Variants in IGSF11 observed in about 807,000 individuals in gnomAD.
The protein encoded by IGSF11 is CXADR like 1.
A neutral mutation model predicts 41.0 loss-of-function variants in IGSF11; 22 were observed. That is an observed-to-expected ratio of 0.54 (90% confidence interval 0.38 to 0.77). The LOEUF (loss-of-function observed/expected upper bound fraction) is 0.77. IGSF11 is among the 30% of genes least tolerant of loss of function. The probability of loss-of-function intolerance (pLI) is 0.00; values close to 1 mark genes in which losing one functional copy is unlikely to be tolerated. For synonymous variants in IGSF11, 219 were observed against 201.3 expected, an observed-to-expected ratio of 1.09 and a Z score of -0.74; for missense variants, 444 against 530.8, an observed-to-expected ratio of 0.84 and a Z score of 1.61.
At chr3:119,093,528 C>T (rs533220799) in intron 1 of IGSF11, among the ~76,000 whole-genome samples, 14 of 152,228 alleles carry the variant, frequency 9.2e-5, no homozygotes, top group Admixed American at 5.2e-4. Flanking sequence ...TTAATAACCA[C>T]GAGGTATCTT....
intron 1 of IGSF11, among the ~76,000 whole-genome samples, chr3:118,997,883 C>A (rs1424543743): frequency 6.6e-6 from 1 of 152,092 alleles, no homozygotes; most frequent in East Asian, 1.9e-4. Context: ...CTGTTCATGG[C>A]AAATGCTAAG....
At position 118,938,986 on chromosome 3, in the gene IGSF11, T is replaced by C. The variant is rs948320062; in HGVS notation, c.53-8711A>G. ...AGAAAAAGTGAAAAACCTGCAATTATGGTTGGTGACTGCAACACGTCTCAA... is the reference window on the plus strand; with the variant it reads ...AGAAAAAGTGAAAAACCTGCAATTACGGTTGGTGACTGCAACACGTCTCAA... On this transcript the variant is annotated intron_variant, in intron 1 of 6. Coordinates refer to ENST00000393775, the MANE Select transcript of IGSF11 (RefSeq NM_001015887.3). Among the ~76,000 whole-genome samples, 5 of 152,342 alleles carry C rather than the reference T, an allele frequency of 3.3e-5. 1 individual carries two copies. Among genetic ancestry groups the C allele is most frequent in the East Asian group, 1.9e-4 (1 of 5,194 alleles).
At chr3:119,127,535 A>T (rs917678693) in intron 1 of IGSF11, among the ~76,000 whole-genome samples, 4 of 152,144 alleles carry the variant, frequency 2.6e-5, no homozygotes, top group Non-Finnish European at 4.4e-5. Context: ...CAACATGCAA[A>T]TTCAGGAAAT....
chr3:118,978,634 C>A (rs1340921151), intron 1 of IGSF11, among the ~76,000 whole-genome samples: 1 of 152,212 alleles, frequency 6.6e-6, no homozygotes, highest in Non-Finnish European at 1.5e-5. Flanking sequence ...TCTCTGACAA[C>A]TGTACCCTAA....
intron 1 of IGSF11, among the ~76,000 whole-genome samples, chr3:118,946,812 T>G (rs1257155666): frequency 6.6e-6 from 1 of 152,228 alleles, no homozygotes; most frequent in African/African-American, 2.4e-5. Flanking sequence ...CGTTTTTAAC[T>G]GCTTAACAAA....
intron 1 of IGSF11, among the ~76,000 whole-genome samples, chr3:118,957,631 T>C (rs1394462541): frequency 3.3e-5 from 5 of 152,224 alleles, no homozygotes; most frequent in Non-Finnish European, 7.3e-5. Flanking sequence ...GGCTAGCTTA[T>C]TTTCTCCAAT....
chr3:118,989,357 A>ATT (rs11313865), intron 1 of IGSF11, among the ~76,000 whole-genome samples: 2 of 147,286 alleles, frequency 1.4e-5, no homozygotes, highest in Non-Finnish European at 3.0e-5. Context: ...CCTTTATAGC[A>ATT]TTTTTTTTTT....
intron 1 of IGSF11, among the ~76,000 whole-genome samples, chr3:119,004,457 T>C (rs1937265660): frequency 6.6e-6 from 1 of 151,470 alleles, no homozygotes; most frequent in African/African-American, 2.4e-5. Context: ...TGTGTCACTA[T>C]TTCCTTCAGT....
At chr3:119,034,940 G>T, upstream of IGSF11, 1 of 688,846 alleles carries the variant, frequency 1.5e-6, no homozygotes, top group Non-Finnish European at 1.8e-6. Flanking sequence ...CCGCCCACTC[G>T]CCCCGCTTGG....
intron 1 of IGSF11, among the ~76,000 whole-genome samples, chr3:119,120,463 A>C (rs1202438630): frequency 2.0e-5 from 3 of 152,226 alleles, no homozygotes; most frequent in Non-Finnish European, 4.4e-5. Flanking sequence ...GCAAAAAAGA[A>C]GAGAGAGAAA....
chr3:119,052,281 A>G (rs1941656049), intron 1 of IGSF11, among the ~76,000 whole-genome samples: 1 of 152,110 alleles, frequency 6.6e-6, no homozygotes, highest in Admixed American at 6.6e-5. Context: ...GGAGTTCGAG[A>G]CAAGTCTGGC....
chr3:119,059,204 C>G (rs1035148947), intron 1 of IGSF11, among the ~76,000 whole-genome samples: 1 of 151,220 alleles, frequency 6.6e-6, no homozygotes, highest in African/African-American at 2.4e-5. Flanking sequence ...CACACACACA[C>G]ACACCACACC....
At chr3:119,115,843 G>T (rs2077249014) in intron 1 of IGSF11, among the ~76,000 whole-genome samples, 1 of 151,960 alleles carries the variant, frequency 6.6e-6, no homozygotes, top group Non-Finnish European at 1.5e-5. Context: ...AAAATTAGTG[G>T]TTTACCATTT....
chr3:118,917,874 C>A (rs1384993228), intron 4 of IGSF11, among the ~76,000 whole-genome samples: 3 of 139,922 alleles, frequency 2.1e-5, no homozygotes, highest in East Asian at 4.4e-4. Context: ...TACTGGCAAA[C>A]CGAATCCAGC....
chr3:118,941,358 A>G (rs909915817), intron 1 of IGSF11, among the ~76,000 whole-genome samples: 1 of 152,174 alleles, frequency 6.6e-6, no homozygotes, highest in Non-Finnish European at 1.5e-5. Context: ...TATACAAATG[A>G]GTAATAACAT....
At position 119,096,452 on chromosome 3, in the gene IGSF11, TTAA is replaced by T. The variant is rs566353634; in HGVS notation, c.49+8689_49+8691del. On this transcript the variant is annotated intron_variant, in intron 1 of 6. Coordinates refer to the IGSF11 transcript ENST00000354673. ...TTCTTAAAATGAAATGCAATCTATA[TTAA>T]TAATAATACAGTCCAGAAATGCCGA... is the stretch of plus-strand genomic sequence containing the variant. Among the ~76,000 whole-genome samples the T allele has an allele frequency of 2.0e-5, 3 of 152,246 alleles. No homozygotes were observed. In the South Asian group the frequency reaches 6.2e-4, roughly 32 times the overall value.
intron 1 of IGSF11, among the ~76,000 whole-genome samples, chr3:119,004,050 C>A (rs1388258252): frequency 2.6e-5 from 4 of 151,876 alleles, no homozygotes; most frequent in African/African-American, 9.7e-5. Context: ...ACCAGTTCCT[C>A]CTTGTACCTC....
intron 1 of IGSF11, among the ~76,000 whole-genome samples, chr3:118,971,637 T>C (rs1933439480): frequency 6.6e-6 from 1 of 151,948 alleles, no homozygotes; most frequent in Non-Finnish European, 1.5e-5. Flanking sequence ...ACCCCGTCTC[T>C]ACTAAAAATA....
chr3:118,962,280 T>C (rs1181884529), intron 1 of IGSF11, among the ~76,000 whole-genome samples: 3 of 152,248 alleles, frequency 2.0e-5, no homozygotes, highest in Non-Finnish European at 4.4e-5. Flanking sequence ...TCAATTATTA[T>C]ATTATTGTAA....
Sources: gnomAD v4.1 joint callset for allele counts (sites outside exome capture counted in the v4.1 genomes callset) on GRCh38, gnomAD v4.1.1 for gene constraint, MANE v1.5 for transcripts, NCBI Gene and HGNC (gene_info 2026-07-23, HGNC 2026-07-21) for gene names.